SORCS1: variants seen among roughly 807,000 people sequenced by gnomAD.
SORCS1 encodes the protein sortilin related VPS10 domain containing receptor 1.
A neutral mutation model predicts 146.1 loss-of-function variants in SORCS1; 60 were observed. The ratio of observed to expected loss-of-function variants is 0.41; its 90% CI spans 0.33 to 0.51. The LOEUF (loss-of-function observed/expected upper bound fraction) is 0.51. SORCS1 is among the 20% of genes least tolerant of loss of function. The pLI, the probability that SORCS1 is intolerant of heterozygous loss-of-function variation, is 0.21. For synonymous variants in SORCS1, 637 were observed against 584.0 expected (o/e 1.09, Z -1.31); for missense variants, 1,352 against 1,487.6 (o/e 0.91, Z 1.50).
chr10:107,070,082 G>A (rs1962286378), intron 1 of SORCS1, among the ~76,000 whole-genome samples: 1 of 152,188 alleles, frequency 6.6e-6, no homozygotes, highest in South Asian at 2.1e-4. Flanking sequence ...CATACAATAT[G>A]TGACTTCTCG....
intron 5 of SORCS1, among the ~76,000 whole-genome samples, chr10:106,742,825 T>C (rs1308088969): frequency 2.6e-5 from 4 of 152,152 alleles, no homozygotes; most frequent in South Asian, 4.1e-4. Context: ...TTTTGGAGCA[T>C]TTATGGTTGG....
chr10:107,113,437 C>T (rs1359623038), intron 1 of SORCS1, among the ~76,000 whole-genome samples: 1 of 152,008 alleles, frequency 6.6e-6, no homozygotes, highest in Non-Finnish European at 1.5e-5. Context: ...ATCTGTAATC[C>T]CAGCACTTTG....
chr10:106,861,657 C>T (rs1950020614), intron 2 of SORCS1, among the ~76,000 whole-genome samples: 1 of 152,084 alleles, frequency 6.6e-6, no homozygotes, highest in Non-Finnish European at 1.5e-5. Context: ...TTTGGGATGC[C>T]AAGGCAGGTG....
intron 5 of SORCS1, among the ~76,000 whole-genome samples, chr10:106,735,057 A>T (rs527466009): frequency 2.6e-5 from 4 of 151,414 alleles, no homozygotes; most frequent in African/African-American, 4.9e-5. Flanking sequence ...GAGGCAGGAA[A>T]ATCGCTTGAA....
intron 1 of SORCS1, among the ~76,000 whole-genome samples, chr10:107,147,228 C>CA (rs1968404641): frequency 6.6e-6 from 1 of 152,136 alleles, no homozygotes; most frequent in African/African-American, 2.4e-5. Flanking sequence ...TCTCATAATG[C>CA]AATATGTCCT....
chr10:107,169,990 T>G, the SORCS1 span, among the ~76,000 whole-genome samples: 2 of 152,154 alleles, frequency 1.3e-5, no homozygotes. Flanking sequence ...GCATATATAT[T>G]TTTCCAATTT....
chr10:106,822,213 G>GTT (rs761918966), intron 3 of SORCS1, among the ~76,000 whole-genome samples: 3 of 152,106 alleles, frequency 2.0e-5, no homozygotes, highest in Non-Finnish European at 2.9e-5. Context: ...TAAGAGTGTA[G>GTT]TTTTATTAGC....
At chr10:106,773,314 C>G (rs1444899193) in intron 4 of SORCS1, among the ~76,000 whole-genome samples, 1 of 152,220 alleles carries the variant, frequency 6.6e-6, no homozygotes, top group Non-Finnish European at 1.5e-5. Flanking sequence ...TGCCACACAT[C>G]TCATCAGTGC....
intron 23 of SORCS1, among the ~76,000 whole-genome samples, chr10:106,599,490 A>C (rs1411159544): frequency 6.6e-6 from 1 of 152,178 alleles, no homozygotes; most frequent in Non-Finnish European, 1.5e-5. Context: ...TTATCTTTTA[A>C]TTGGCAGAGT....
chr10:106,953,142 AGTGTGTGT>A (rs60289278), intron 2 of SORCS1, among the ~76,000 whole-genome samples: 94,456 of 148,016 alleles, frequency 0.64, 29,872 homozygotes, highest in East Asian at 0.77. Flanking sequence ...CTGTGGGTAT[AGTGTGTGT>A]GTGTGTGTGT....
At chr10:106,648,219 C>G (rs76650689) in intron 18 of SORCS1, among the ~76,000 whole-genome samples, 4 of 151,898 alleles carry the variant, frequency 2.6e-5, no homozygotes, top group African/African-American at 9.7e-5. Flanking sequence ...TTCTCTTTTA[C>G]TTGTCTTACT....
intron 1 of SORCS1, among the ~76,000 whole-genome samples, chr10:107,113,082 T>C (rs1441773719): frequency 6.6e-6 from 1 of 152,160 alleles, no homozygotes; most frequent in East Asian, 1.9e-4. Context: ...ATGAACTTTC[T>C]CCATGATAGA....
intron 2 of SORCS1, among the ~76,000 whole-genome samples, chr10:106,894,595 C>T (rs913884938): frequency 3.9e-5 from 6 of 152,004 alleles, no homozygotes; most frequent in Non-Finnish European, 5.9e-5. Context: ...GGAATAAACT[C>T]GCATAGCCAA....
At chr10:106,742,906 A>G (rs1857460959) in intron 5 of SORCS1, among the ~76,000 whole-genome samples, 1 of 152,264 alleles carries the variant, frequency 6.6e-6, no homozygotes, top group Admixed American at 6.5e-5. Context: ...TTCTGAGTAT[A>G]AGGTGTGAAG....
intron 2 of SORCS1, among the ~76,000 whole-genome samples, chr10:106,888,050 C>G (rs1421628007): frequency 6.6e-6 from 1 of 152,170 alleles, no homozygotes; most frequent in Non-Finnish European, 1.5e-5. Context: ...TAAATGGCGA[C>G]AGTACTGGCT....
intron 1 of SORCS1, among the ~76,000 whole-genome samples, chr10:107,153,449 GT>G: frequency 6.6e-6 from 1 of 152,248 alleles, no homozygotes; most frequent in East Asian, 1.9e-4. Flanking sequence ...AACATATATT[GT>G]TTAACTGGGT....
chr10:107,015,098 T>A (rs1957843981), intron 1 of SORCS1, among the ~76,000 whole-genome samples: 1 of 152,214 alleles, frequency 6.6e-6, no homozygotes, highest in Non-Finnish European at 1.5e-5. Flanking sequence ...ATACCCTATA[T>A]CTAAATCACC....
intron 23 of SORCS1, among the ~76,000 whole-genome samples, chr10:106,604,961 G>A (rs1316422836): frequency 6.6e-6 from 1 of 152,120 alleles, no homozygotes; most frequent in Non-Finnish European, 1.5e-5. Flanking sequence ...AACTTTTCTT[G>A]TCCTCACTTT....
chr10:106,663,426 G>C lies in SORCS1; in HGVS notation c.2303+4263C>G, dbSNP rs141218258. Among the ~76,000 whole-genome samples, 192 of 152,070 alleles carry C rather than the reference G, an allele frequency of 1.3e-3. 1 individual carries two copies. The highest frequency in any genetic ancestry group is 4.5e-3 in the African/African-American group (186 of 41,504). Reference sequence around the variant, plus strand: ...AGATCACAGTTGTGTGGGGAAAGGGGGCCAGGATTGGGATGATGATGTAAA... The same window carrying C: ...AGATCACAGTTGTGTGGGGAAAGGGCGCCAGGATTGGGATGATGATGTAAA... On this transcript the variant is annotated intron_variant, in intron 17 of 25. Coordinates refer to ENST00000263054, the MANE Select transcript of SORCS1 (RefSeq NM_052918.5).
Sources: allele counts gnomAD v4.1 joint callset (sites outside exome capture counted in the v4.1 genomes callset), GRCh38; gene constraint gnomAD v4.1.1; transcripts MANE v1.5; gene names NCBI Gene and HGNC (gene_info 2026-07-23, HGNC 2026-07-21).